Variants in PICK1 observed in about 807,000 individuals in gnomAD.
PICK1 encodes PRKCA-binding protein.
A neutral mutation model predicts 48.9 loss-of-function variants in PICK1; 23 were observed. The observed-to-expected ratio is 0.47, with a 90% confidence interval of 0.34 to 0.67. The LOEUF (loss-of-function observed/expected upper bound fraction) is 0.67, where lower values mean the gene tolerates loss of function less well. PICK1 is among the 30% of genes least tolerant of loss of function. The pLI is 0.01. For synonymous variants in PICK1, 217 were observed against 228.2 expected, an observed-to-expected ratio of 0.95 and a Z score of 0.44; for missense variants, 423 against 557.1, an observed-to-expected ratio of 0.76 and a Z score of 2.42.
In PICK1 at chr22:38,069,022, C is replaced by T. The variant is rs572434626; in HGVS notation, c.350-11C>T. ...GCCACAGACTCACCAGGTCCTTTGTCCCCCGCTCAGTGTTGAAGAAAGTCA... is the reference window on the plus strand; with the variant it reads ...GCCACAGACTCACCAGGTCCTTTGTTCCCCGCTCAGTGTTGAAGAAAGTCA... On this transcript the variant is annotated splice_polypyrimidine_tract_variant and intron_variant, in intron 5 of 12. Coordinates refer to ENST00000356976, the MANE Select transcript of PICK1 (RefSeq NM_012407.4). 2.2e-3 allele frequency: 3,545 copies of T among 1,609,152 alleles called. 75 individuals are homozygous for T. In the African/African-American group the frequency reaches 0.043, roughly 20 times the overall value.
chr22:38,067,924 C>CT (rs1348607323), intron 5 of PICK1, 154 bp downstream of exon 5: 16 of 725,424 alleles, frequency 2.2e-5, no homozygotes, highest in Non-Finnish European at 2.5e-6. Flanking sequence ...CCAAGCAAAT[C>CT]TGAAAGGCCT....
At chr22:38,069,558 A>G (rs9610901) in intron 6 of PICK1, among the ~76,000 whole-genome samples, 5,881 of 152,292 alleles carry the variant, frequency 0.039, 167 homozygotes, top group Non-Finnish European at 0.052. Flanking sequence ...ACGCATGCAC[A>G]CATGCGCACA....
At chr22:38,064,859 C>T in intron 3 of PICK1, 143 bp from the exon 4 acceptor site, 3 of 928,324 alleles carry the variant, frequency 3.2e-6, no homozygotes, top group Non-Finnish European at 5.3e-6. Flanking sequence ...CACTGCACTC[C>T]AGCCCGGGTG....
At chr22:38,061,260 G>A (rs1367134088) in intron 3 of PICK1, among the ~76,000 whole-genome samples, 1 of 152,102 alleles carries the variant, frequency 6.6e-6, no homozygotes, top group Non-Finnish European at 1.5e-5. Context: ...AGAATCGCTT[G>A]AACCCGGGAG....
chr22:38,062,423 T>C (rs983091989), intron 3 of PICK1, among the ~76,000 whole-genome samples: 2 of 152,136 alleles, frequency 1.3e-5, no homozygotes, highest in Non-Finnish European at 2.9e-5. Context: ...AATTCTTGTA[T>C]TTTTAGTAGA....
intron 4 of PICK1, 21 bp from the exon 5 acceptor site, chr22:38,067,683 C>T (rs1423577518): frequency 6.2e-7 from 1 of 1,609,806 alleles, no homozygotes; most frequent in Admixed American, 1.7e-5. Context: ...GCTCACTAGT[C>T]TGTGTGTGCT....
At position 38,072,413 on chromosome 22, in the gene PICK1, C is replaced by A. The variant is rs1174309005; in HGVS notation, c.557-64C>A. 3.1e-6 allele frequency: 5 copies of A among 1,590,368 alleles called. No homozygotes were observed. In the African/African-American group the frequency reaches 5.4e-5, roughly 17 times the overall value. On this transcript the variant is annotated intron_variant, in intron 8 of 12. Transcript: ENST00000356976. ...GGCCCCCTGCCCTGCTTCTCCCCAACAAACCCCTGGCTTCTCTTAGGGGGC... is the reference window on the plus strand; with the variant it reads ...GGCCCCCTGCCCTGCTTCTCCCCAAAAAACCCCTGGCTTCTCTTAGGGGGC...
At chr22:38,060,319 G>A (rs1283545408) in intron 3 of PICK1, among the ~76,000 whole-genome samples, 1 of 152,240 alleles carries the variant, frequency 6.6e-6, no homozygotes, top group Non-Finnish European at 1.5e-5. Flanking sequence ...GAACACTCTT[G>A]TGTCTCTTGC....
At chr22:38,072,642 G>C (rs751763624) in intron 9 of PICK1, 32 bp downstream of exon 9, 1 of 1,610,902 alleles carries the variant, frequency 6.2e-7, no homozygotes, top group Non-Finnish European at 8.5e-7. Context: ...TGTGTCTGGC[G>C]TGTGAGGGTG....
chr22:38,068,206 G>C (rs2085579770), intron 5 of PICK1: 2 of 449,814 alleles, frequency 4.4e-6, no homozygotes, highest in Admixed American at 4.7e-5. Context: ...CTCCCAGGGG[G>C]ACTCTGGATC....
At position 38,064,537 on chromosome 22, in the gene PICK1, G is replaced by A. The variant is rs1601943662; in HGVS notation, c.154-465G>A. 3.3e-5 allele frequency among the ~76,000 whole-genome samples: 5 copies of A among 152,106 alleles called. No individual in the cohort carries two copies. The South Asian group carries it at 8.3e-4, about 25-fold the overall frequency. ...AGCACTTTGGGAGGCCAAAGCAGGT[G>A]GATCACCTGAGGTCGGGAGTTTGAG... is the stretch of plus-strand genomic sequence containing the variant. On this transcript the variant is annotated intron_variant, in intron 3 of 12. Coordinates refer to ENST00000356976, the MANE Select transcript of PICK1 (RefSeq NM_012407.4).
chr22:38,065,434 G>A (rs1052272331), intron 4 of PICK1, among the ~76,000 whole-genome samples: 1 of 152,192 alleles, frequency 6.6e-6, no homozygotes, highest in East Asian at 1.9e-4. Context: ...GCAAGCCCAT[G>A]TGTCCCCAGT....
chr22:38,065,971 C>T (rs980591336), intron 4 of PICK1, among the ~76,000 whole-genome samples: 8 of 152,038 alleles, frequency 5.3e-5, no homozygotes, highest in African/African-American at 9.7e-5. Context: ...CCTGATAGTC[C>T]GCCTTCCTGC....
In PICK1 at chr22:38,073,192, C is replaced by G; in HGVS notation, c.783+100C>G. ...CTGCGGCCAGCGAGGCCAGCCAGAG[C>G]TGACAGCATGTCTGCTCCAGGTGTG... On this transcript the variant is annotated intron_variant, in intron 10 of 12. Coordinates refer to ENST00000356976, the MANE Select transcript of PICK1 (RefSeq NM_012407.4). This position sits in a 1 kb window ranked among gnomAD's most constrained non-coding sequence, Gnocchi z 5.7. 1.2e-6 allele frequency: 1 copy of G among 826,228 alleles called. No individual in the cohort carries two copies. The highest frequency in any genetic ancestry group is 2.1e-6 in the Non-Finnish European group (1 of 472,158). 51.2% of individuals were successfully genotyped at this position (826,228 alleles called of 1,614,324 possible). A position where few individuals can be genotyped will look rare whatever the true frequency, so the allele number is the denominator to read the frequency against.
rs568377978 is a variant in PICK1 at position 38,070,352 on chromosome 22, G to A, written c.440-486G>A. Among the ~76,000 whole-genome samples, 15 of 152,356 alleles carry A rather than the reference G, an allele frequency of 9.8e-5. No individual in the cohort carries two copies. In the South Asian group the frequency reaches 3.1e-3, roughly 32 times the overall value. ...CAAAGTGAGCCTGACATGGTGGCTG[G>A]CACACAGTGGGTGCTCAAGAAACAC... On this transcript the variant is annotated intron_variant, in intron 6 of 12. Coordinates refer to ENST00000356976, the MANE Select transcript of PICK1 (RefSeq NM_012407.4).
At chr22:38,065,237 C>A (rs752415620) in intron 4 of PICK1, 107 bp downstream of exon 4, 2 of 1,098,820 alleles carry the variant, frequency 1.8e-6, no homozygotes, top group Non-Finnish European at 2.7e-6. Context: ...CAGCCCTCAC[C>A]GCCCCCTTCC....
chr22:38,074,591 T>A lies in PICK1; in HGVS notation c.979+140T>A. 1 of 1,244,356 alleles carries A rather than the reference T, an allele frequency of 8.0e-7. No homozygotes were observed. Among genetic ancestry groups the A allele is most frequent in the Non-Finnish European group, 1.1e-6 (1 of 870,694 alleles). 77.1% of individuals were successfully genotyped at this position (1,244,356 alleles called of 1,614,324 possible). ...CCAGCCATCTGCCCAGAGCCTGGCC[T>A]GGGTGGAGCTGGCCTGTGCGCGTGG... On this transcript the variant is annotated intron_variant, in intron 12 of 12. Transcript: ENST00000356976. The surrounding 1 kb of genome is among the most constrained non-coding windows in gnomAD (Gnocchi z 4.5).
intron 3 of PICK1, among the ~76,000 whole-genome samples, chr22:38,059,754 G>A (rs2085354621): frequency 6.6e-6 from 1 of 152,186 alleles, no homozygotes; most frequent in African/African-American, 2.4e-5. Context: ...ATGAAATAAT[G>A]GCCTGAGTTC....
At position 38,057,576 on chromosome 22, in the gene PICK1, C is replaced by A. The variant is rs778296751; in HGVS notation, c.-69C>A. 2 of 591,694 alleles carry A rather than the reference C, an allele frequency of 3.4e-6. No individual in the cohort carries two copies. Among genetic ancestry groups the A allele is most frequent in the African/African-American group, 1.9e-5 (1 of 53,760 alleles). The allele number at this position is 591,694 out of a possible 1,614,324, so 36.7% of individuals were successfully genotyped here. A position where few individuals can be genotyped will look rare whatever the true frequency, so the allele number is the denominator to read the frequency against. On this transcript the variant is annotated 5_prime_UTR_variant, in exon 1 of 13. Transcript: ENST00000356976. ...GCCTATCGCCCTGGCCTGGAGCCCC[C>A]CTTTGTACCTAGTAAGAATCACCTA...
Sources: gnomAD v4.1 joint callset for allele counts (sites outside exome capture counted in the v4.1 genomes callset) on GRCh38, gnomAD v4.1.1 for gene constraint, Gnocchi (gnomAD v3.1) non-coding constraint, MANE v1.5 for transcripts, NCBI Gene and HGNC (gene_info 2026-07-23, HGNC 2026-07-21) for gene names.